TBX20: variants seen among roughly 807,000 people sequenced by gnomAD.
TBX20 encodes T-box transcription factor TBX20.
TBX20 carries 8 observed loss-of-function variants against 42.9 expected under a neutral mutation model. That is an observed-to-expected ratio of 0.19 (90% confidence interval 0.11 to 0.34). The LOEUF is 0.34. Among genes scored for constraint, TBX20 ranks in the 10% least tolerant of loss-of-function variants. The pLI, the probability that TBX20 is intolerant of heterozygous loss-of-function variation, is 1.00. For synonymous variants in TBX20, 198 were observed against 222.8 expected (o/e 0.89, Z 0.99); for missense variants, 411 against 566.0 (o/e 0.73, Z 2.78).
chr7:35,230,929 T>C (rs563667587), intron 6 of TBX20, among the ~76,000 whole-genome samples: 1 of 152,342 alleles, frequency 6.6e-6, no homozygotes, highest in South Asian at 2.1e-4. Flanking sequence ...TCAAACTGCA[T>C]GAACCATTTT....
intron 6 of TBX20, among the ~76,000 whole-genome samples, chr7:35,228,664 C>T (rs1022962756): frequency 6.6e-6 from 1 of 152,020 alleles, no homozygotes; most frequent in African/African-American, 2.4e-5. Flanking sequence ...AACCGCATGC[C>T]CCCAGAAAAG....
chr7:35,252,358 G>T (rs1270606222), intron 1 of TBX20, among the ~76,000 whole-genome samples: 1 of 150,840 alleles, frequency 6.6e-6, no homozygotes, highest in Non-Finnish European at 1.5e-5. Flanking sequence ...CCAGGGGAAG[G>T]GGGTGAAAAC....
At chr7:35,207,012 CTTTTA>C (rs1003818838) in intron 6 of TBX20, among the ~76,000 whole-genome samples, 20 of 130,056 alleles carry the variant, frequency 1.5e-4, no homozygotes, top group African/African-American at 5.8e-4. Flanking sequence ...TGGACATATA[CTTTTA>C]TTTATCTTGG....
intron 6 of TBX20, among the ~76,000 whole-genome samples, chr7:35,231,165 C>T (rs13312204): frequency 2.0e-5 from 3 of 152,182 alleles, no homozygotes; most frequent in Admixed American, 6.5e-5. Context: ...AAGGCTATCA[C>T]GGTTCTGTTT....
At position 35,250,171 on chromosome 7, in the gene TBX20, G is replaced by T. The variant is rs755690552; in HGVS notation, c.160C>A (p.Pro54Thr). The change falls in exon 2 of 8, where the codon CCC becomes ACC. Residue 54 changes from proline to threonine, a missense_variant. Around this residue, in one of 5 missense-constraint regions of TBX20, gnomAD observed 114 missense variants for 128.0 expected, o/e 0.89. Coordinates refer to ENST00000408931, the MANE Select transcript of TBX20 (RefSeq NM_001077653.2). ...QFVEKSSCAQ[P>T]LGELTSLDAH... ...TCCAGGCTGGTCAGCTCACCCAGGG[G>T]CTGGGCACAGGACGACTTCTCCACA... 3 of 1,613,976 alleles carry T rather than the reference G, an allele frequency of 1.9e-6. No individual in the cohort carries two copies. Among genetic ancestry groups the T allele is most frequent in the Admixed American group, 3.3e-5 (2 of 59,996 alleles).
At chr7:35,205,027 G>A (rs1789377234) in intron 6 of TBX20, among the ~76,000 whole-genome samples, 1 of 152,132 alleles carries the variant, frequency 6.6e-6, no homozygotes, top group African/African-American at 2.4e-5. Context: ...AACAACCAAT[G>A]AAATGTTGGC....
At chr7:35,233,116 GGAA>G (rs1174587399) in intron 5 of TBX20, among the ~76,000 whole-genome samples, 2 of 152,148 alleles carry the variant, frequency 1.3e-5, no homozygotes, top group African/African-American at 4.8e-5. Flanking sequence ...TAACACGTGA[GGAA>G]TTTCTTTTTT....
At chr7:35,245,704 G>C (rs1211011131) in intron 3 of TBX20, among the ~76,000 whole-genome samples, 1 of 152,108 alleles carries the variant, frequency 6.6e-6, no homozygotes, top group Admixed American at 6.6e-5. Context: ...CACTAAATGA[G>C]AGTTAAAACA....
At chr7:35,204,918 A>T (rs1789375561) in intron 6 of TBX20, among the ~76,000 whole-genome samples, 1 of 152,202 alleles carries the variant, frequency 6.6e-6, no homozygotes, top group Non-Finnish European at 1.5e-5. Context: ...ATAATGAGTG[A>T]ATGAATTTAC....
chr7:35,227,983 C>T (rs1037880996), intron 6 of TBX20, among the ~76,000 whole-genome samples: 1 of 151,930 alleles, frequency 6.6e-6, no homozygotes. Context: ...TATTTTAACA[C>T]AATTTCTAAA....
intron 6 of TBX20, among the ~76,000 whole-genome samples, chr7:35,219,138 GTCC>G (rs1221500812): frequency 6.6e-6 from 1 of 152,154 alleles, no homozygotes; most frequent in African/African-American, 2.4e-5. Context: ...TGATGCAGCT[GTCC>G]TCCTCTATCT....
chr7:35,204,401 C>A (rs188102192), intron 7 of TBX20, 69 bp downstream of exon 7: 3 of 1,035,754 alleles, frequency 2.9e-6, no homozygotes, highest in Non-Finnish European at 4.5e-6. Flanking sequence ...ATCTCATCAA[C>A]GACCTGCCCC....
chr7:35,204,404 C>G, intron 7 of TBX20, 66 bp downstream of exon 7: 1 of 1,065,842 alleles, frequency 9.4e-7, no homozygotes, highest in South Asian at 1.3e-5. Context: ...TCATCAACGA[C>G]CTGCCCCCAT....
chr7:35,228,658 G>C (rs13236126), intron 6 of TBX20, among the ~76,000 whole-genome samples: 1 of 151,938 alleles, frequency 6.6e-6, no homozygotes, highest in African/African-American at 2.4e-5. Context: ...AAAGTGAACC[G>C]CATGCCCCCA....
intron 5 of TBX20, among the ~76,000 whole-genome samples, chr7:35,236,418 G>T (rs1057121122): frequency 1.3e-5 from 2 of 151,954 alleles, no homozygotes; most frequent in Non-Finnish European, 2.9e-5. Context: ...TATGCTGCAG[G>T]ATATATTATT....
intron 6 of TBX20, among the ~76,000 whole-genome samples, chr7:35,213,877 CAAA>C (rs59548164): frequency 3.0e-4 from 18 of 59,768 alleles, no homozygotes; most frequent in South Asian, 7.9e-4. Context: ...GCAGAGATAG[CAAA>C]AAAAAAAAAA....
At chr7:35,202,844 G>T in intron 7 of TBX20, 74 bp from the exon 8 acceptor site, 2 of 1,530,164 alleles carry the variant, frequency 1.3e-6, no homozygotes, top group Non-Finnish European at 1.8e-6. Flanking sequence ...TATCTGTAAA[G>T]ATCAATTTGT....
intron 6 of TBX20, among the ~76,000 whole-genome samples, chr7:35,213,112 G>T (rs1789525896): frequency 1.3e-5 from 2 of 152,158 alleles, no homozygotes; most frequent in South Asian, 4.1e-4. Context: ...CACCTCATTT[G>T]TTTCCCATCC....
At chr7:35,214,565 T>G (rs577318195) in intron 6 of TBX20, among the ~76,000 whole-genome samples, 32 of 152,302 alleles carry the variant, frequency 2.1e-4, no homozygotes, top group Admixed American at 1.9e-3. Context: ...CTGCCATATA[T>G]TTTAATCTTT....
Sources: allele counts gnomAD v4.1 joint callset (sites outside exome capture counted in the v4.1 genomes callset), GRCh38; gene constraint gnomAD v4.1.1; regional missense constraint gnomAD v4.1.1; transcripts MANE v1.5; gene names NCBI Gene and HGNC (gene_info 2026-07-23, HGNC 2026-07-21).